IPO7: variants seen among roughly 807,000 people sequenced by gnomAD.
IPO7 encodes importin-7.
Under a neutral mutation model 136.4 loss-of-function variants are expected in IPO7, and 13 were observed. That is an observed-to-expected ratio of 0.10 (90% CI 0.06 to 0.15). The LOEUF (loss-of-function observed/expected upper bound fraction) is 0.15, where lower values mean the gene tolerates loss of function less well. Ranked by LOEUF, IPO7 falls within the 10% of genes least tolerant of loss-of-function variation. The pLI is 1.00. For missense variants in IPO7, 857 were observed against 1,240.6 expected, an observed-to-expected ratio of 0.69 and a Z score of 4.65; for synonymous variants, 403 against 404.4, an observed-to-expected ratio of 1.00 and a Z score of 0.04.
chr11:9,384,922 G>A, intron 1 of IPO7, 75 bp downstream of exon 1: 1 of 1,174,222 alleles, frequency 8.5e-7, no homozygotes, highest in Middle Eastern at 2.0e-4. Context: ...CCGGGGCCTG[G>A]CCGGAGGCGC....
Position 9,429,675 on chromosome 11 carries a change from T to A in IPO7, c.1593T>A (p.Ala531=). 6.3e-7 allele frequency: 1 copy of A among 1,599,918 alleles called. No individual in the cohort carries two copies. The highest frequency in any genetic ancestry group is 8.5e-7 in the Non-Finnish European group (1 of 1,176,262). Reference sequence around the variant, plus strand: ...AGTTTTTTACTCTTTCTCTTACAGCTAAAGAATATATCACACCATTCATCA... The same window carrying A: ...AGTTTTTTACTCTTTCTCTTACAGCAAAAGAATATATCACACCATTCATCA... ...LQVLISNQEK[A]KEYITPFIRP... The change falls in exon 15 of 25, where the codon GCT becomes GCA. Residue 531 remains alanine, a splice_region_variant and synonymous_variant. Coordinates refer to ENST00000379719, the MANE Select transcript of IPO7 (RefSeq NM_006391.3).
chr11:9,414,154 G>T, intron 4 of IPO7, 101 bp from the exon 5 acceptor site: 1 of 828,930 alleles, frequency 1.2e-6, no homozygotes, highest in Non-Finnish European at 1.8e-6. Flanking sequence ...AATTGGTTAA[G>T]AAGTATTTGA....
chr11:9,413,469 A>G (rs1250380916), intron 4 of IPO7, among the ~76,000 whole-genome samples: 1 of 152,098 alleles, frequency 6.6e-6, no homozygotes, highest in African/African-American at 2.4e-5. Context: ...CGCAAATATA[A>G]TCAAATACTT....
chr11:9,434,356 T>C (rs1281084372), intron 18 of IPO7, among the ~76,000 whole-genome samples: 1 of 144,808 alleles, frequency 6.9e-6, no homozygotes, highest in Non-Finnish European at 1.6e-5. Flanking sequence ...TATTCTTTGT[T>C]AACACAGATA....
chr11:9,416,652 A>G (rs73406209), intron 5 of IPO7, among the ~76,000 whole-genome samples: 1 of 152,344 alleles, frequency 6.6e-6, no homozygotes, highest in African/African-American at 2.4e-5. Context: ...TAGTTTTTGT[A>G]ATTAACCCTT....
intron 22 of IPO7, among the ~76,000 whole-genome samples, chr11:9,439,737 G>T (rs1255682192): frequency 6.6e-6 from 1 of 152,018 alleles, no homozygotes; most frequent in African/African-American, 2.4e-5. Context: ...CACCACACCG[G>T]CTAATTTTTG....
chr11:9,432,433 T>G (rs551274154), intron 16 of IPO7, among the ~76,000 whole-genome samples: 2 of 152,260 alleles, frequency 1.3e-5, no homozygotes, highest in East Asian at 3.9e-4. Context: ...ACTCCTGACC[T>G]CAAGTGATCC....
chr11:9,438,063 T>G lies in IPO7; in HGVS notation c.2490-17T>G, dbSNP rs779543293. ...GAAAACAGTTTTTTTTTTTTTTTTT[T>G]TTTTTTTTTTTTTTAGGCTTCATGA... On this transcript the variant is annotated splice_polypyrimidine_tract_variant and intron_variant, in intron 21 of 24. Transcript: ENST00000379719. 135 of 1,126,828 alleles carry G rather than the reference T, an allele frequency of 1.2e-4. No individual in the cohort carries two copies. The highest frequency in any genetic ancestry group is 6.1e-4 in the East Asian group (22 of 36,314). The allele number at this position is 1,126,828 out of a possible 1,614,324, so 69.8% of individuals were successfully genotyped here. A position where few individuals can be genotyped will look rare whatever the true frequency, so the allele number is the denominator to read the frequency against.
chr11:9,434,830 C>A, intron 18 of IPO7, 104 bp from the exon 19 acceptor site: 1 of 771,488 alleles, frequency 1.3e-6, no homozygotes, highest in Non-Finnish European at 2.3e-6. Context: ...ATGTTAGAGA[C>A]AAAATGATCT....
intron 5 of IPO7, among the ~76,000 whole-genome samples, chr11:9,415,551 G>T (rs1392405337): frequency 1.3e-5 from 2 of 151,960 alleles, no homozygotes; most frequent in African/African-American, 4.8e-5. Flanking sequence ...CTACAGAAAT[G>T]GTTGGGGCCG....
Position 9,440,666 on chromosome 11 carries a change from G to C in IPO7, c.2902+5G>C. The C allele has an allele frequency of 6.3e-7, 1 of 1,590,614 alleles. No homozygotes were observed. The highest frequency in any genetic ancestry group is 1.1e-5 in the South Asian group (1 of 90,584). On this transcript the variant is annotated splice_donor_5th_base_variant and intron_variant, in intron 23 of 24. Transcript: ENST00000379719. ...TATTTAAAGCTATCTTTCAAAGTAA[G>C]TCAACTTGTTACATGTGGATCCATT... is the stretch of plus-strand genomic sequence containing the variant.
chr11:9,429,344 A>G (rs964699575), intron 14 of IPO7, 148 bp downstream of exon 14: 1 of 654,222 alleles, frequency 1.5e-6, no homozygotes, highest in African/African-American at 1.8e-5. Flanking sequence ...TCTACAAAAA[A>G]AATTTTTAAA....
At chr11:9,444,696 G>A (rs558115177) in intron 24 of IPO7, among the ~76,000 whole-genome samples, 2 of 152,072 alleles carry the variant, frequency 1.3e-5, no homozygotes, top group South Asian at 2.1e-4. Context: ...TTACCCGGGC[G>A]TGGTGGCACG....
chr11:9,412,526 G>A (rs867719419), intron 4 of IPO7, among the ~76,000 whole-genome samples: 3 of 152,146 alleles, frequency 2.0e-5, no homozygotes, highest in Non-Finnish European at 4.4e-5. Context: ...CCTTAATAAT[G>A]GAAGCTGGGG....
rs1169194794 is a variant in IPO7 at position 9,447,155 on chromosome 11, G to T, written c.*1961G>T. The T allele has an allele frequency of 6.6e-6, 1 of 152,082 alleles. No individual in the cohort carries two copies. Among genetic ancestry groups the T allele is most frequent in the Admixed American group, 6.6e-5 (1 of 15,252 alleles). The allele number at this position is 152,082 out of a possible 1,614,324, so 9.4% of individuals were successfully genotyped here. ...ACCTAGTCTACTTTTTAAATTTTCA[G>T]ACTTCACTGCTTTTTGAATTCATAA... On this transcript the variant is annotated 3_prime_UTR_variant, in exon 25 of 25. Coordinates refer to ENST00000379719, the MANE Select transcript of IPO7 (RefSeq NM_006391.3).
chr11:9,393,024 ATG>A (rs1261348958), intron 1 of IPO7, among the ~76,000 whole-genome samples: 11 of 152,088 alleles, frequency 7.2e-5, no homozygotes, highest in Non-Finnish European at 4.4e-5. Flanking sequence ...ACATTGGAAA[ATG>A]TGGGTCCAGA....
chr11:9,412,820 G>C (rs1399078256), intron 4 of IPO7, among the ~76,000 whole-genome samples: 2 of 95,536 alleles, frequency 2.1e-5, no homozygotes, highest in Non-Finnish European at 5.1e-5. Flanking sequence ...ACAGAGTGAG[G>C]CACTTTCTCC....
At position 9,439,350 on chromosome 11, in the gene IPO7, A is replaced by G. The variant is rs181480982; in HGVS notation, c.2695+1065A>G. ...AGGCTGGTCTGGAACTCCTGACCTC[A>G]GATGATCCACCCTCCTGGGCCTCCC... is the stretch of plus-strand genomic sequence containing the variant. On this transcript the variant is annotated intron_variant, in intron 22 of 24. Transcript: ENST00000379719. 3.1e-3 allele frequency among the ~76,000 whole-genome samples: 467 copies of G among 152,246 alleles called. 2 individuals carry two copies. Among genetic ancestry groups the G allele is most frequent in the African/African-American group, 0.011 (446 of 41,568 alleles).
rs140504137 is a variant in IPO7 at position 9,422,323 on chromosome 11, C to T, written c.907-683C>T. Among the ~76,000 whole-genome samples, 542 of 151,506 alleles carry T rather than the reference C, an allele frequency of 3.6e-3. 5 individuals carry two copies. Among genetic ancestry groups the T allele is most frequent in the African/African-American group, 0.013 (527 of 41,388 alleles). ...AATACTGTGAATTTAATATCATACTCTTGATTCAAATAAGGCATCAGAACA... is the reference window on the plus strand; with the variant it reads ...AATACTGTGAATTTAATATCATACTTTTGATTCAAATAAGGCATCAGAACA... On this transcript the variant is annotated intron_variant, in intron 8 of 24. Coordinates refer to ENST00000379719, the MANE Select transcript of IPO7 (RefSeq NM_006391.3).
Sources: gnomAD v4.1 joint callset for allele counts (sites outside exome capture counted in the v4.1 genomes callset) on GRCh38, gnomAD v4.1.1 for gene constraint, MANE v1.5 for transcripts, NCBI Gene and HGNC (gene_info 2026-07-23, HGNC 2026-07-21) for gene names.